PVT1: variants seen among roughly 807,000 people sequenced by gnomAD.
The protein encoded by PVT1 is Pvt1 oncogene.
In PVT1 at chr8:127,982,689, G is replaced by T. The variant is rs562860757; in HGVS notation, n.783-6473G>T. ...TAATTAATTAATTAATAAAATAAATGAATCAATTAAAAGAATTAAGAAAAA... is the reference window on the plus strand; with the variant it reads ...TAATTAATTAATTAATAAAATAAATTAATCAATTAAAAGAATTAAGAAAAA... On this transcript the variant is annotated intron_variant and non_coding_transcript_variant, in intron 3 of 10. Coordinates refer to ENST00000651587, the Ensembl canonical transcript of PVT1. 1.5e-3 allele frequency among the ~76,000 whole-genome samples: 214 copies of T among 145,332 alleles called. 1 individual carries two copies. The highest frequency in any genetic ancestry group is 5.1e-3 in the African/African-American group (196 of 38,660).
chr8:127,980,795 T>C lies in PVT1; in HGVS notation n.783-8367T>C, dbSNP rs899366019. On this transcript the variant is annotated intron_variant and non_coding_transcript_variant, in intron 3 of 10. Transcript: ENST00000651587. ...AGTCACCAAAAACTACAGCTTCTTT[T>C]TTTTTTTTTTTTTTTTGTTTGAGAC... 1.2e-3 allele frequency among the ~76,000 whole-genome samples: 176 copies of C among 146,488 alleles called. 1 individual carries two copies. Among genetic ancestry groups the C allele is most frequent in the Middle Eastern group, 0.01 (3 of 290 alleles).
intron 2 of PVT1, among the ~76,000 whole-genome samples, chr8:127,798,704 C>CAAAAAA (rs71300266): frequency 9.1e-6 from 1 of 110,482 alleles, no homozygotes; most frequent in Non-Finnish European, 1.7e-5. Context: ...ACTAAAAATA[C>CAAAAAA]AAAAAAAAAA....
intron 4 of PVT1, among the ~76,000 whole-genome samples, chr8:128,021,562 G>C (rs1427980154): frequency 2.0e-5 from 3 of 151,970 alleles, no homozygotes; most frequent in Non-Finnish European, 4.4e-5. Flanking sequence ...CAAAGTGCTG[G>C]GATTACAGGC....
At chr8:127,999,746 G>C (rs538847467) in intron 4 of PVT1, among the ~76,000 whole-genome samples, 1 of 152,360 alleles carries the variant, frequency 6.6e-6, no homozygotes, top group South Asian at 2.1e-4. Flanking sequence ...ACAGGCGTGA[G>C]TCACCACGCC....
chr8:127,927,734 C>T (rs1191731591), intron 3 of PVT1, among the ~76,000 whole-genome samples: 40 of 152,220 alleles, frequency 2.6e-4, no homozygotes, highest in Admixed American at 2.6e-3. Context: ...TGAAAGTCAT[C>T]TGTAAGCCGT....
intron 4 of PVT1, among the ~76,000 whole-genome samples, chr8:127,991,175 C>T (rs1225556402): frequency 3.2e-5 from 4 of 126,372 alleles, no homozygotes; most frequent in African/African-American, 1.3e-4. Context: ...CGGAATCTTG[C>T]TCTGTCACCC....
intron 2 of PVT1, among the ~76,000 whole-genome samples, chr8:127,879,688 C>T (rs776109447): frequency 2.0e-5 from 3 of 152,196 alleles, no homozygotes; most frequent in Non-Finnish European, 2.9e-5. Context: ...TTAGTGAGTT[C>T]GTATCTCACA....
chr8:127,877,431 C>A (rs2129779931), intron 2 of PVT1, among the ~76,000 whole-genome samples: 1 of 152,196 alleles, frequency 6.6e-6, no homozygotes, highest in South Asian at 2.1e-4. Context: ...TTCCTTTCAT[C>A]CTCCTTATTT....
In PVT1 at chr8:127,815,255, C is replaced by T. The variant is rs1022227615; in HGVS notation, n.372+19184C>T. Among the ~76,000 whole-genome samples, 5 of 152,230 alleles carry T rather than the reference C, an allele frequency of 3.3e-5. No individual in the cohort carries two copies. In the South Asian group the frequency reaches 8.3e-4, roughly 25 times the overall value. On this transcript the variant is annotated intron_variant and non_coding_transcript_variant, in intron 2 of 10. Transcript: ENST00000651587. ...GTGCTGGGATTACAGGCATGAGCCACCGTGCCCCACCTTAGTGTAATCTTT... is the reference window on the plus strand; with the variant it reads ...GTGCTGGGATTACAGGCATGAGCCATCGTGCCCCACCTTAGTGTAATCTTT...
intron 3 of PVT1, among the ~76,000 whole-genome samples, chr8:127,952,848 T>C (rs999947557): frequency 6.6e-6 from 1 of 151,502 alleles, no homozygotes; most frequent in Non-Finnish European, 1.5e-5. Context: ...CACTGCAACC[T>C]CCACCTCCCA....
intron 2 of PVT1, among the ~76,000 whole-genome samples, chr8:127,887,628 T>G (rs1005897158): frequency 1.7e-4 from 26 of 152,266 alleles, no homozygotes; most frequent in African/African-American, 6.3e-4. Context: ...CGAGTTCAAG[T>G]GATTCTCGTT....
chr8:127,950,867 T>G (rs1349794766), intron 3 of PVT1, among the ~76,000 whole-genome samples: 3 of 152,186 alleles, frequency 2.0e-5, no homozygotes. Flanking sequence ...CTCACTCCAT[T>G]GGGCAATCAT....
intron 2 of PVT1, among the ~76,000 whole-genome samples, chr8:127,861,329 C>CTGGG (rs568443823): frequency 2.6e-5 from 4 of 152,210 alleles, no homozygotes; most frequent in Non-Finnish European, 4.4e-5. Context: ...TGGGTGCAGG[C>CTGGG]TGGGCGCCGT....
At chr8:127,915,214 A>G (rs1815967818) in intron 3 of PVT1, among the ~76,000 whole-genome samples, 1 of 152,204 alleles carries the variant, frequency 6.6e-6, no homozygotes, top group Middle Eastern at 3.2e-3. Context: ...TGTACTAGAC[A>G]AACGTCACTG....
At chr8:128,075,881 CTTGTATAAGTT>C (rs777215003) in intron 5 of PVT1, among the ~76,000 whole-genome samples, 49 of 152,346 alleles carry the variant, frequency 3.2e-4, no homozygotes, top group Middle Eastern at 3.4e-3. Flanking sequence ...GATCGCTTCT[CTTGTATAAGTT>C]GACAAACCCA....
At chr8:127,822,941 A>G (rs1055499924) in intron 2 of PVT1, among the ~76,000 whole-genome samples, 1 of 152,236 alleles carries the variant, frequency 6.6e-6, no homozygotes, top group African/African-American at 2.4e-5. Flanking sequence ...AGGGAGTGAC[A>G]TGATTGGATT....
chr8:128,072,555 C>T (rs747996272), intron 5 of PVT1, among the ~76,000 whole-genome samples: 3 of 152,192 alleles, frequency 2.0e-5, no homozygotes, highest in Non-Finnish European at 4.4e-5. Context: ...TTTCCACTTA[C>T]ACTGACAAAA....
At chr8:127,847,678 T>C (rs1054437626) in intron 2 of PVT1, among the ~76,000 whole-genome samples, 1 of 152,146 alleles carries the variant, frequency 6.6e-6, no homozygotes, top group Non-Finnish European at 1.5e-5. Context: ...CGGGGAGATC[T>C]CAGGATGTAT....
intron 3 of PVT1, among the ~76,000 whole-genome samples, chr8:127,986,318 C>G (rs1304369701): frequency 6.6e-6 from 1 of 152,154 alleles, no homozygotes; most frequent in South Asian, 2.1e-4. Context: ...CCTTGGCACT[C>G]AGGCTCTTCA....
Sources: allele counts gnomAD v4.1 joint callset (sites outside exome capture counted in the v4.1 genomes callset), GRCh38; gene constraint gnomAD v4.1.1; transcripts MANE v1.5; gene names NCBI Gene and HGNC (gene_info 2026-07-23, HGNC 2026-07-21).